The following WDR20 variants were observed in gnomAD, a reference collection of about 807,000 sequenced individuals.
WDR20 encodes the protein WD repeat-containing protein 20.
A neutral mutation model predicts 38.7 loss-of-function variants in WDR20; 3 were observed. That is an observed-to-expected ratio of 0.08 (90% CI 0.04 to 0.20). The LOEUF is 0.20. Ranked by LOEUF, WDR20 falls within the 10% of genes least tolerant of loss-of-function variation. The pLI, the probability that WDR20 is intolerant of heterozygous loss-of-function variation, is 1.00. For missense variants in WDR20, 559 were observed against 727.7 expected (o/e 0.77, Z 2.67); for synonymous variants, 298 against 285.6 (o/e 1.04, Z -0.44).
Position 102,220,378 on chromosome 14 carries a change from G to C in WDR20, c.1693-2452G>C, listed in dbSNP as rs1442182451. 6.6e-6 allele frequency among the ~76,000 whole-genome samples: 1 copy of C among 152,242 alleles called. No homozygotes were observed. Among genetic ancestry groups the C allele is most frequent in the South Asian group, 2.1e-4 (1 of 4,836 alleles). ...ACCTCAAAGGCTTCTTACCAAAAAA[G>C]TCATTAGTAATTTTTATATTGCTGA... On this transcript the variant is annotated intron_variant, in intron 3 of 3. Transcript: ENST00000335263. The surrounding 1 kb of genome is among the most constrained non-coding windows in gnomAD (Gnocchi z 4.2).
At chr14:102,224,179 C>CT, downstream of WDR20, among the ~76,000 whole-genome samples, 1 of 151,574 alleles carries the variant, frequency 6.6e-6, no homozygotes. Context: ...GTAGCTGGGA[C>CT]TACAGGCGCC....
chr14:102,192,871 AATCCT>A (rs1451078660), intron 1 of WDR20, among the ~76,000 whole-genome samples: 1 of 152,040 alleles, frequency 6.6e-6, no homozygotes, highest in East Asian at 1.9e-4. Context: ...GCAGTGGTGC[AATCCT>A]AGTTAACTGT....
At chr14:102,162,033 T>C (rs1419629173) in intron 1 of WDR20, among the ~76,000 whole-genome samples, 1 of 152,190 alleles carries the variant, frequency 6.6e-6, no homozygotes, top group East Asian at 1.9e-4. Flanking sequence ...CCCAACAACT[T>C]GATTGCTCTG....
chr14:102,197,419 G>A (rs1476754593), intron 2 of WDR20, among the ~76,000 whole-genome samples: 1 of 152,188 alleles, frequency 6.6e-6, no homozygotes, highest in Non-Finnish European at 1.5e-5. Context: ...TTTTTAAAAT[G>A]TTAAGTTCAC....
At position 102,209,248 on chromosome 14, in the gene WDR20, A is replaced by T. The variant is rs747394599; in HGVS notation, c.1078A>T (p.Ser360Cys). 1.9e-6 allele frequency: 3 copies of T among 1,614,190 alleles called. No homozygotes were observed. The highest frequency in any genetic ancestry group is 2.2e-5 in the South Asian group (2 of 91,078). ...SRLSKRNSTD[S>C]RPVSVTYRFG... Reference sequence around the variant, plus strand: ...GCTCTCCAAACGGAACTCTACAGACAGCCGCCCCGTAAGTGTCACGTATCG... The same window carrying T: ...GCTCTCCAAACGGAACTCTACAGACTGCCGCCCCGTAAGTGTCACGTATCG... Residue 360 changes from serine (S) to cysteine (C), a missense_variant, in exon 3 of 3, where the codon AGC (serine) becomes TGC (cysteine). Ser to Cys is a moderately radical substitution (Grantham distance 112). Coordinates refer to ENST00000342702, the MANE Select transcript of WDR20 (RefSeq NM_144574.4). This position sits in a 1 kb window ranked among gnomAD's most constrained non-coding sequence, Gnocchi z 6.0.
chr14:102,169,165 C>A (rs747946116), intron 1 of WDR20, among the ~76,000 whole-genome samples: 1 of 152,100 alleles, frequency 6.6e-6, no homozygotes, highest in Non-Finnish European at 1.5e-5. Flanking sequence ...CAATGGTACA[C>A]GCTCTGCTTA....
chr14:102,197,519 T>G (rs2059611394), intron 2 of WDR20, among the ~76,000 whole-genome samples: 1 of 152,212 alleles, frequency 6.6e-6, no homozygotes, highest in South Asian at 2.1e-4. Flanking sequence ...AAGGAAGGCC[T>G]TCAAAGCTGG....
downstream of WDR20, among the ~76,000 whole-genome samples, chr14:102,211,869 A>G (rs532479835): frequency 6.6e-6 from 1 of 152,340 alleles, no homozygotes; most frequent in Admixed American, 6.5e-5. This position sits in a 1 kb window ranked among gnomAD's most constrained non-coding sequence, Gnocchi z 4.2. Flanking sequence ...GATCCCAAGT[A>G]AGTAGCATTT....
intron 1 of WDR20, among the ~76,000 whole-genome samples, chr14:102,157,677 G>A (rs2057738447): frequency 6.6e-6 from 1 of 152,062 alleles, no homozygotes; most frequent in Non-Finnish European, 1.5e-5. Context: ...TCAGATGGTG[G>A]GTCAGCTGAA....
At chr14:102,214,244 G>GC (rs71468392), downstream of WDR20, 61,971 of 985,572 alleles carry the variant, frequency 0.063, 2,091 homozygotes, top group Non-Finnish European at 0.068. Flanking sequence ...AGCCTGCAGG[G>GC]CCCCCCCTTG....
At chr14:102,191,865 A>T (rs2066532486) in intron 1 of WDR20, among the ~76,000 whole-genome samples, 1 of 152,230 alleles carries the variant, frequency 6.6e-6, no homozygotes, top group African/African-American at 2.4e-5. Flanking sequence ...TTGACAGATC[A>T]ACTTTAAAAA....
intron 1 of WDR20, among the ~76,000 whole-genome samples, chr14:102,165,750 C>T (rs936331351): frequency 6.6e-6 from 1 of 151,486 alleles, no homozygotes; most frequent in Non-Finnish European, 1.5e-5. Flanking sequence ...GATCCTCCCA[C>T]CTCAGCCTCC....
At chr14:102,181,853 G>C (rs904322321) in intron 1 of WDR20, among the ~76,000 whole-genome samples, 6 of 152,038 alleles carry the variant, frequency 3.9e-5, no homozygotes, top group African/African-American at 1.4e-4. Flanking sequence ...TCAGTGTGGA[G>C]CTTCCTATTC....
intron 1 of WDR20, among the ~76,000 whole-genome samples, chr14:102,149,160 A>G (rs1437081020): frequency 6.6e-6 from 1 of 152,110 alleles, no homozygotes; most frequent in Admixed American, 6.6e-5. Flanking sequence ...AGACTCTCTC[A>G]AAACAAAACA....
chr14:102,162,575 C>T (rs1210826129), intron 1 of WDR20, among the ~76,000 whole-genome samples: 2 of 142,218 alleles, frequency 1.4e-5, no homozygotes, highest in Non-Finnish European at 3.2e-5. Flanking sequence ...CTTTCTTTTT[C>T]TCTCTCTCTC....
chr14:102,150,759 A>G (rs1393720178), intron 1 of WDR20, among the ~76,000 whole-genome samples: 3 of 152,172 alleles, frequency 2.0e-5, no homozygotes, highest in African/African-American at 7.2e-5. Flanking sequence ...GGGAAATCAA[A>G]GAAGTATGAG....
At chr14:102,146,464 G>C (rs1218228405) in intron 1 of WDR20, among the ~76,000 whole-genome samples, 1 of 152,138 alleles carries the variant, frequency 6.6e-6, no homozygotes, top group East Asian at 1.9e-4. Flanking sequence ...TGCCCGGCTA[G>C]AAGAGCTTTA....
At chr14:102,181,482 CT>C (rs72280704) in intron 1 of WDR20, among the ~76,000 whole-genome samples, 20,124 of 146,284 alleles carry the variant, frequency 0.14, 1,846 homozygotes, top group African/African-American at 0.26. Context: ...ACAAGTGTGA[CT>C]TTTTTTTTTT....
At chr14:102,151,998 T>C (rs564584757) in intron 1 of WDR20, among the ~76,000 whole-genome samples, 85 of 152,202 alleles carry the variant, frequency 5.6e-4, no homozygotes, top group Non-Finnish European at 8.4e-4. Flanking sequence ...CTCAACTCAC[T>C]GCAACCTCCG....
Sources: gnomAD v4.1 joint callset for allele counts (sites outside exome capture counted in the v4.1 genomes callset) on GRCh38, gnomAD v4.1.1 for gene constraint, Gnocchi (gnomAD v3.1) non-coding constraint, MANE v1.5 for transcripts, NCBI Gene and HGNC (gene_info 2026-07-23, HGNC 2026-07-21) for gene names.